Variants in BST1 observed in about 807,000 individuals in gnomAD.
BST1 encodes ADP-ribosyl cyclase/cyclic ADP-ribose hydrolase 2.
Under a neutral mutation model 40.6 loss-of-function variants are expected in BST1, and 49 were observed. The observed-to-expected ratio is 1.21, with a 90% confidence interval of 0.96 to 1.53. The LOEUF (loss-of-function observed/expected upper bound fraction) is 1.53, where lower values mean the gene tolerates loss of function less well. Ranked by LOEUF, BST1 falls within the 40% of genes most tolerant of loss-of-function variation. BST1 has a pLI of 0.00. For missense variants in BST1, 423 were observed against 395.9 expected, an observed-to-expected ratio of 1.07 and a Z score of -0.58; for synonymous variants, 157 against 159.3, an observed-to-expected ratio of 0.99 and a Z score of 0.11.
chr4:15,708,874 C>T (rs1332095618), intron 3 of BST1, among the ~76,000 whole-genome samples: 2 of 152,022 alleles, frequency 1.3e-5, no homozygotes, highest in Admixed American at 1.3e-4. Context: ...GAGTGAGACT[C>T]GGCACACACA....
intron 8 of BST1, chr4:15,731,421 C>T (rs1721366294): frequency 4.6e-6 from 3 of 647,764 alleles, no homozygotes; most frequent in Non-Finnish European, 8.4e-6. Context: ...CTGCTGGTTA[C>T]CCAGGACACA....
At chr4:15,758,960 C>G in the BST1 span, among the ~76,000 whole-genome samples, 3 of 151,992 alleles carry the variant, frequency 2.0e-5, no homozygotes, top group Non-Finnish European at 4.4e-5. Context: ...GGCCTACACA[C>G]CTCAGTGCCT....
the BST1 span, chr4:15,743,357 G>T: frequency 5.9e-6 from 2 of 339,630 alleles, no homozygotes; most frequent in South Asian, 5.9e-5. Context: ...TCATGACTTC[G>T]GTGGATGAGA....
the BST1 span, among the ~76,000 whole-genome samples, chr4:15,752,494 T>C: frequency 2.0e-5 from 3 of 151,916 alleles, no homozygotes; most frequent in Admixed American, 1.3e-4. Flanking sequence ...GTTCCAGTGA[T>C]TCTCCTGCCT....
downstream of BST1, among the ~76,000 whole-genome samples, chr4:15,736,953 T>TG (rs1016715942): frequency 3.3e-5 from 5 of 152,074 alleles, no homozygotes; most frequent in African/African-American, 1.2e-4. Context: ...ACAAAGGAAA[T>TG]GGGGAGGCAG....
downstream of BST1, among the ~76,000 whole-genome samples, chr4:15,734,922 G>A (rs1426881107): frequency 6.6e-6 from 1 of 152,220 alleles, no homozygotes; most frequent in Non-Finnish European, 1.5e-5. Flanking sequence ...TGGGAAGTGA[G>A]ACTGCAGAGG....
chr4:15,757,569 C>T, the BST1 span, among the ~76,000 whole-genome samples: 1 of 152,132 alleles, frequency 6.6e-6, no homozygotes, highest in Admixed American at 6.5e-5. Flanking sequence ...CAACTTCACT[C>T]CCTCTTCACC....
chr4:15,737,906 C>T, exon 7 of BST1: 1 of 887,154 alleles, frequency 1.1e-6, no homozygotes, highest in Admixed American at 2.3e-5. Flanking sequence ...AGAGTTGAGT[C>T]AATTGCATGC....
chr4:15,760,488 G>A, the BST1 span, among the ~76,000 whole-genome samples: 3 of 151,854 alleles, frequency 2.0e-5, no homozygotes, highest in South Asian at 4.2e-4. Flanking sequence ...ACATTTTGAG[G>A]AATTGCCAGA....
chr4:15,703,224 C>A lies in BST1; in HGVS notation c.80C>A (p.Ala27Glu). The change falls in exon 1 of 9, where the codon GCG (alanine) becomes GAG (glutamate). Residue 27 changes from alanine to glutamate, a missense_variant. Ala to Glu is a moderately radical substitution (Grantham distance 107, BLOSUM62 -1). Transcript: ENST00000265016. ...QLLLLLLLLA[A>E]GGARARWRGE... ...CTGCTTCTACTGTTGCTGCTGGCGG[C>A]GGGCGGGGCGCGCGCGCGGTGGCGC... The A allele has an allele frequency of 6.5e-7, 1 of 1,546,600 alleles. No individual in the cohort carries two copies. Among genetic ancestry groups the A allele is most frequent in the Non-Finnish European group, 8.7e-7 (1 of 1,147,418 alleles).
At chr4:15,720,529 A>G (rs2148888979) in intron 7 of BST1, among the ~76,000 whole-genome samples, 1 of 151,774 alleles carries the variant, frequency 6.6e-6, no homozygotes, top group African/African-American at 2.4e-5. Context: ...AGGCAGGAGA[A>G]TCACTTGAGG....
the BST1 span, among the ~76,000 whole-genome samples, chr4:15,761,243 T>C: frequency 1.3e-5 from 2 of 151,806 alleles, no homozygotes; most frequent in East Asian, 3.9e-4. Flanking sequence ...ATGGGGTTTC[T>C]CCATGGGCAT....
At position 15,715,618 on chromosome 4, in the gene BST1, A is replaced by AT. The variant is rs927649713; in HGVS notation, c.612-80dup. ...GAAGAAAAACTTCTAAAAGCTCTTT[A>AT]TTTTTTTTTAAGAAAGGTAATGTGT... On this transcript the variant is annotated intron_variant, in intron 5 of 8. Transcript: ENST00000265016. The AT allele has an allele frequency of 7.3e-4, 731 of 998,142 alleles. 1 individual carries two copies. Among genetic ancestry groups the AT allele is most frequent in the South Asian group, 9.9e-4 (54 of 54,590 alleles). The allele number at this position is 998,142 out of a possible 1,614,324, so 61.8% of individuals were successfully genotyped here.
chr4:15,753,536 G>C, the BST1 span, among the ~76,000 whole-genome samples: 1 of 152,182 alleles, frequency 6.6e-6, no homozygotes, highest in Non-Finnish European at 1.5e-5. Flanking sequence ...TGAGCCCTAA[G>C]GAGAAAGAGT....
chr4:15,742,406 T>G (rs1721769335), downstream of BST1, among the ~76,000 whole-genome samples: 2 of 152,218 alleles, frequency 1.3e-5, no homozygotes. Flanking sequence ...CCATGTGATC[T>G]CTTTGCATAC....
At chr4:15,707,695 A>G in intron 3 of BST1, 49 bp downstream of exon 3, 1 of 1,596,516 alleles carries the variant, frequency 6.3e-7, no homozygotes, top group South Asian at 1.1e-5. Flanking sequence ...CCTATTTACT[A>G]TGCATTACCA....
the BST1 span, among the ~76,000 whole-genome samples, chr4:15,746,910 G>A: frequency 1.6e-3 from 238 of 152,288 alleles, 5 homozygotes; most frequent in East Asian, 0.042. Flanking sequence ...GCCCATGATT[G>A]TGTTTTGGGT....
At chr4:15,753,528 A>G in the BST1 span, among the ~76,000 whole-genome samples, 1 of 152,146 alleles carries the variant, frequency 6.6e-6, no homozygotes, top group Non-Finnish European at 1.5e-5. Context: ...CCATTAGGTG[A>G]GCCCTAAGGA....
downstream of BST1, among the ~76,000 whole-genome samples, chr4:15,739,573 G>T (rs1403660294): frequency 2.0e-5 from 3 of 151,344 alleles, no homozygotes; most frequent in Admixed American, 6.6e-5. Flanking sequence ...GTGTGTGTGT[G>T]TGTGTGTGTG....
Sources: gnomAD v4.1 joint callset for allele counts (sites outside exome capture counted in the v4.1 genomes callset) on GRCh38, gnomAD v4.1.1 for gene constraint, MANE v1.5 for transcripts, NCBI Gene and HGNC (gene_info 2026-07-23, HGNC 2026-07-21) for gene names.